CDH18: variants seen among roughly 807,000 people sequenced by gnomAD.
CDH18 encodes cadherin-18.
CDH18 carries 31 observed loss-of-function variants against 67.9 expected under a neutral mutation model. The observed-to-expected ratio is 0.46, with a 90% CI of 0.34 to 0.62. The LOEUF (loss-of-function observed/expected upper bound fraction) is 0.62. Ranked by LOEUF, CDH18 falls within the 20% of genes least tolerant of loss-of-function variation. The pLI, the probability that CDH18 is intolerant of heterozygous loss-of-function variation, is 0.01. For missense variants in CDH18, 890 were observed against 975.5 expected (o/e 0.91, Z 1.17); for synonymous variants, 362 against 347.2 (o/e 1.04, Z -0.48).
intron 1 of CDH18, among the ~76,000 whole-genome samples, chr5:20,329,321 T>G (rs1738932527): frequency 6.6e-6 from 1 of 152,206 alleles, no homozygotes; most frequent in African/African-American, 2.4e-5. Flanking sequence ...GTTCTAATAT[T>G]TGCATTTTAA....
At chr5:20,069,374 C>T (rs1331674049) in intron 2 of CDH18, among the ~76,000 whole-genome samples, 1 of 151,016 alleles carries the variant, frequency 6.6e-6, no homozygotes, top group Non-Finnish European at 1.5e-5. Flanking sequence ...TTTCTAGTCA[C>T]TCTCTACTGC....
intron 3 of CDH18, among the ~76,000 whole-genome samples, chr5:19,787,715 A>G (rs957756843): frequency 4.0e-5 from 6 of 151,692 alleles, no homozygotes; most frequent in Non-Finnish European, 7.4e-5. Flanking sequence ...CAAGTACAAA[A>G]GCAAAATCAG....
chr5:20,299,006 C>T (rs1056294810), intron 1 of CDH18, among the ~76,000 whole-genome samples: 2 of 152,076 alleles, frequency 1.3e-5, no homozygotes, highest in African/African-American at 4.8e-5. Flanking sequence ...AAATAAAAAA[C>T]ATAGGCATGA....
At chr5:20,323,893 C>A (rs1738282943) in intron 1 of CDH18, among the ~76,000 whole-genome samples, 2 of 152,118 alleles carry the variant, frequency 1.3e-5, no homozygotes, top group Non-Finnish European at 2.9e-5. Flanking sequence ...TCTTAATTCA[C>A]CTGAAAGTTC....
At chr5:20,004,980 A>C (rs1736773633) in intron 2 of CDH18, among the ~76,000 whole-genome samples, 1 of 152,208 alleles carries the variant, frequency 6.6e-6, no homozygotes, top group Non-Finnish European at 1.5e-5. Flanking sequence ...AAAAAATAGA[A>C]AGTAAATTTG....
chr5:20,213,298 C>A (rs1740500440), intron 2 of CDH18, among the ~76,000 whole-genome samples: 1 of 152,050 alleles, frequency 6.6e-6, no homozygotes, highest in Non-Finnish European at 1.5e-5. Context: ...CTTATACGGG[C>A]ACAGATTGTG....
intron 11 of CDH18, among the ~76,000 whole-genome samples, chr5:19,502,394 C>T (rs1743399504): frequency 6.6e-6 from 1 of 152,046 alleles, no homozygotes; most frequent in African/African-American, 2.4e-5. Context: ...AAGAGGACAT[C>T]TAAATAATGA....
At chr5:20,201,481 G>A (rs1484735547) in intron 2 of CDH18, among the ~76,000 whole-genome samples, 2 of 151,880 alleles carry the variant, frequency 1.3e-5, no homozygotes, top group African/African-American at 4.9e-5. Context: ...ATTACTAAAT[G>A]TGGAGAGTGA....
intron 2 of CDH18, among the ~76,000 whole-genome samples, chr5:20,110,002 T>C (rs1187887372): frequency 1.3e-5 from 2 of 152,188 alleles, no homozygotes; most frequent in African/African-American, 2.4e-5. Flanking sequence ...GTCAATGAGA[T>C]AGAAGAAAGA....
chr5:19,535,410 A>C (rs546487445), intron 9 of CDH18, among the ~76,000 whole-genome samples: 3 of 152,326 alleles, frequency 2.0e-5, no homozygotes, highest in African/African-American at 7.2e-5. Flanking sequence ...ACATCAAAAT[A>C]AGCACATTGA....
intron 1 of CDH18, among the ~76,000 whole-genome samples, chr5:20,386,367 A>G (rs184345601): frequency 8.5e-5 from 13 of 152,326 alleles, no homozygotes; most frequent in African/African-American, 3.1e-4. Flanking sequence ...CAGCTAGATT[A>G]TAGGAATTAG....
At chr5:20,030,194 G>T (rs1322996638) in intron 2 of CDH18, among the ~76,000 whole-genome samples, 1 of 152,180 alleles carries the variant, frequency 6.6e-6, no homozygotes, top group Non-Finnish European at 1.5e-5. Context: ...GCTCTTTGAG[G>T]CTGATTATGT....
At chr5:20,157,756 C>T (rs1183363807) in intron 2 of CDH18, among the ~76,000 whole-genome samples, 6 of 151,864 alleles carry the variant, frequency 4.0e-5, no homozygotes, top group Non-Finnish European at 8.8e-5. Context: ...GATTCTCCTG[C>T]CCCAGCCTCC....
At chr5:20,541,779 CAG>C (rs1170242519) in intron 1 of CDH18, among the ~76,000 whole-genome samples, 12 of 152,118 alleles carry the variant, frequency 7.9e-5, no homozygotes, top group African/African-American at 2.9e-4. Flanking sequence ...AAGAAATCAG[CAG>C]AGTGTTGCTA....
chr5:20,359,356 G>A (rs186772180), intron 1 of CDH18, among the ~76,000 whole-genome samples: 5 of 152,146 alleles, frequency 3.3e-5, no homozygotes, highest in East Asian at 3.9e-4. Context: ...AGCAATCCTC[G>A]TAAAACAATC....
intron 1 of CDH18, among the ~76,000 whole-genome samples, chr5:20,441,546 A>G (rs1749605259): frequency 6.6e-6 from 1 of 151,948 alleles, no homozygotes; most frequent in South Asian, 2.1e-4. Context: ...CCTTTCATAT[A>G]AAAAAGGGCC....
chr5:20,272,211 G>A (rs1745488222), intron 1 of CDH18, among the ~76,000 whole-genome samples: 1 of 152,026 alleles, frequency 6.6e-6, no homozygotes, highest in African/African-American at 2.4e-5. Flanking sequence ...AATCTGAATA[G>A]AAAGAGTCAC....
chr5:20,053,340 T>C (rs1287622287), intron 2 of CDH18, among the ~76,000 whole-genome samples: 1 of 151,680 alleles, frequency 6.6e-6, no homozygotes, highest in Non-Finnish European at 1.5e-5. Context: ...CAAAGGTCAC[T>C]CTTTAGGTTC....
At chr5:20,500,278 G>A (rs1352006624) in intron 1 of CDH18, among the ~76,000 whole-genome samples, 1 of 152,082 alleles carries the variant, frequency 6.6e-6, no homozygotes, top group Non-Finnish European at 1.5e-5. Flanking sequence ...AACTGTGGTG[G>A]CATCCATTAT....
Sources: allele counts gnomAD v4.1 joint callset (sites outside exome capture counted in the v4.1 genomes callset), GRCh38; gene constraint gnomAD v4.1.1; transcripts MANE v1.5; gene names NCBI Gene and HGNC (gene_info 2026-07-23, HGNC 2026-07-21).